Variants in FAT3 observed in about 807,000 individuals in gnomAD.
FAT3 encodes FAT atypical cadherin 3, also known as protocadherin Fat 3.
In FAT3, 95 loss-of-function variants were observed where a neutral mutation model predicts 310.2. The observed-to-expected ratio is 0.31, with a 90% CI of 0.26 to 0.36. FAT3 has a LOEUF of 0.36. FAT3 is among the 10% of genes least tolerant of loss of function. The pLI, the probability that FAT3 is intolerant of heterozygous loss-of-function variation, is 1.00. For missense variants in FAT3, 5,408 were observed against 5,715.6 expected (o/e 0.95, Z 1.74); for synonymous variants, 2,314 against 2,192.9 (o/e 1.06, Z -1.54).
At chr11:92,226,125 G>A (rs1053122690) in intron 1 of FAT3, among the ~76,000 whole-genome samples, 2 of 152,112 alleles carry the variant, frequency 1.3e-5, no homozygotes, top group Non-Finnish European at 2.9e-5. Context: ...GAGGGGCGCT[G>A]GCGGGGAGGC....
intron 13 of FAT3, among the ~76,000 whole-genome samples, chr11:92,824,389 T>A (rs187911298): frequency 1.1e-4 from 17 of 152,320 alleles, no homozygotes; most frequent in African/African-American, 4.1e-4. Context: ...AAATCATTTT[T>A]AAATCACATT....
intron 4 of FAT3, among the ~76,000 whole-genome samples, chr11:92,751,428 T>G (rs1442122314): frequency 6.6e-6 from 1 of 152,154 alleles, no homozygotes; most frequent in Admixed American, 6.5e-5. Context: ...CTCCCTCTCG[T>G]CTCCATGATC....
At chr11:92,880,936 A>G in intron 23 of FAT3, 52 bp downstream of exon 23, 3 of 1,576,044 alleles carry the variant, frequency 1.9e-6, no homozygotes, top group Non-Finnish European at 2.6e-6. Context: ...TATTGCTACA[A>G]CAAACCAGTA....
chr11:92,588,643 G>A (rs1296399316), intron 3 of FAT3, among the ~76,000 whole-genome samples: 1 of 148,242 alleles, frequency 6.7e-6, no homozygotes, highest in Non-Finnish European at 1.5e-5. Flanking sequence ...GAGACTTGGT[G>A]CAGACCATTC....
chr11:92,561,537 C>T lies in FAT3; in HGVS notation c.3607+36589C>T, dbSNP rs113645910. On this transcript the variant is annotated intron_variant, in intron 3 of 27. Coordinates refer to ENST00000525166, the MANE Select transcript of FAT3 (RefSeq NM_001367949.2). ...CGTACTTCTTGTGACTTCCTTCTTT[C>T]GTTTTCTCAGAGGGAGTATTGGTTT... 3.3e-3 allele frequency among the ~76,000 whole-genome samples: 506 copies of T among 152,132 alleles called. 2 individuals are homozygous for T. Among genetic ancestry groups the T allele is most frequent in the Non-Finnish European group, 5.8e-3 (394 of 67,982 alleles).
chr11:92,815,834 C>G (rs1947811559), intron 13 of FAT3, among the ~76,000 whole-genome samples: 1 of 152,126 alleles, frequency 6.6e-6, no homozygotes, highest in African/African-American at 2.4e-5. Context: ...AGAAGGAAGT[C>G]AGGAATAAAG....
chr11:92,689,725 A>T lies in FAT3; in HGVS notation c.3608-7659A>T, dbSNP rs150064855. Among the ~76,000 whole-genome samples, 47 of 152,218 alleles carry T rather than the reference A, an allele frequency of 3.1e-4. 1 individual carries two copies. Among genetic ancestry groups the T allele is most frequent in the African/African-American group, 1.0e-3 (43 of 41,552 alleles). ...CATGTACACAGCATCTCTGGTTCTA[A>T]CTGTATGAATGTGTGCACATGCATG... is the stretch of plus-strand genomic sequence containing the variant. On this transcript the variant is annotated intron_variant, in intron 3 of 27. Transcript: ENST00000525166.
intron 3 of FAT3, among the ~76,000 whole-genome samples, chr11:92,637,648 C>T (rs774578365): frequency 5.2e-4 from 79 of 152,122 alleles, no homozygotes; most frequent in Non-Finnish European, 9.3e-4. Context: ...CAGGAACATA[C>T]GTTAAGAACT....
intron 9 of FAT3, among the ~76,000 whole-genome samples, chr11:92,795,218 G>C (rs937551200): frequency 6.6e-6 from 1 of 152,068 alleles, no homozygotes; most frequent in African/African-American, 2.4e-5. Context: ...AGTTGAGTTC[G>C]GGTGAGGGCA....
Position 92,445,743 on chromosome 11 carries a change from G to C in FAT3, c.3293-78891G>C, listed in dbSNP as rs565299342. Among the ~76,000 whole-genome samples the C allele has an allele frequency of 7.2e-5, 11 of 152,180 alleles. No homozygotes were observed. The East Asian group carries it at 1.9e-3, about 27-fold the overall frequency. ...CCATCAAGGAGCCTGTTCATTTTTG[G>C]GGGGGTGCAGGGGAGCAGGTGGTGG... On this transcript the variant is annotated intron_variant, in intron 2 of 27. Transcript: ENST00000525166.
intron 1 of FAT3, among the ~76,000 whole-genome samples, chr11:92,266,333 G>A (rs1945949101): frequency 6.6e-6 from 1 of 152,068 alleles, no homozygotes; most frequent in Non-Finnish European, 1.5e-5. Context: ...TTTAGTATGG[G>A]CAGGAGCTGA....
At chr11:92,593,443 T>C (rs1939540770) in intron 3 of FAT3, among the ~76,000 whole-genome samples, 1 of 143,442 alleles carries the variant, frequency 7.0e-6, no homozygotes, top group African/African-American at 2.6e-5. Context: ...TGCCATTTTC[T>C]TTTTTTTTTT....
At chr11:92,478,484 A>C (rs1018470386) in intron 2 of FAT3, among the ~76,000 whole-genome samples, 10 of 152,140 alleles carry the variant, frequency 6.6e-5, no homozygotes, top group Admixed American at 2.6e-4. Context: ...CGAGTTCCTC[A>C]CTCAGGAGAT....
rs745468568 is a variant in FAT3 at position 92,800,872 on chromosome 11, C to G, written c.7859C>G (p.Thr2620Ser). 6.2e-7 allele frequency: 1 copy of G among 1,613,328 alleles called. No homozygotes were observed. Among genetic ancestry groups the G allele is most frequent in the Non-Finnish European group, 8.5e-7 (1 of 1,179,674 alleles). ...GATGTTGGAAGGGGCCACTTGGTCA[C>G]TCAAGTTCAAGCCATAGATCCCGAT... ...RADVGRGHLV[T>S]QVQAIDPDDG... The change falls in exon 10 of 28, where the codon ACT becomes AGT. Residue 2620 changes from threonine to serine, a missense_variant. By Grantham distance (58) the Thr-to-Ser change is moderately conservative. Coordinates refer to ENST00000525166, the MANE Select transcript of FAT3 (RefSeq NM_001367949.2).
chr11:92,354,992 C>G lies in FAT3; in HGVS notation c.2880C>G (p.Thr960=), dbSNP rs373936367. Residue 960 remains threonine (T), a synonymous_variant, in exon 2 of 28, where the codon ACC becomes ACG. Transcript: ENST00000525166. ...PVGTVIAWLE[T]HDPDLGLGGQ... ...GCACTGTCATTGCTTGGCTTGAGAC[C>G]CATGATCCAGATCTTGGACTGGGGG... 1.9e-6 allele frequency: 3 copies of G among 1,613,640 alleles called. No individual in the cohort carries two copies. The African/African-American group carries it at 4.0e-5, about 22-fold the overall frequency.
At chr11:92,232,101 C>T (rs553862325) in intron 1 of FAT3, among the ~76,000 whole-genome samples, 1 of 152,184 alleles carries the variant, frequency 6.6e-6, no homozygotes, top group Admixed American at 6.5e-5. Flanking sequence ...GGTACCGTCC[C>T]ATGCTAGGGT....
chr11:92,572,880 G>A (rs552509), intron 3 of FAT3, among the ~76,000 whole-genome samples: 112,784 of 152,002 alleles, frequency 0.74, 44,108 homozygotes, highest in Non-Finnish European at 0.88. Flanking sequence ...TAAAAACTGA[G>A]TCCATAAGAA....
At chr11:92,415,849 C>CTTTTTTTTTTTTTTTTTTTT (rs1196695394) in intron 2 of FAT3, among the ~76,000 whole-genome samples, 2 of 70,440 alleles carry the variant, frequency 2.8e-5, no homozygotes, top group African/African-American at 5.3e-5. Context: ...AGCATTTTTG[C>CTTTTTTTTTTTTTTTTTTTT]TTTTTTTTTT....
At chr11:92,696,431 G>A (rs1161366944) in intron 3 of FAT3, among the ~76,000 whole-genome samples, 1 of 152,106 alleles carries the variant, frequency 6.6e-6, no homozygotes, top group Admixed American at 6.5e-5. Context: ...ACAGAAGCTT[G>A]AGGTCAAGGG....
Sources: gnomAD v4.1 joint callset for allele counts (sites outside exome capture counted in the v4.1 genomes callset) on GRCh38, gnomAD v4.1.1 for gene constraint, MANE v1.5 for transcripts, NCBI Gene and HGNC (gene_info 2026-07-23, HGNC 2026-07-21) for gene names.